Variants in SEMA5A observed in about 807,000 individuals in gnomAD.
SEMA5A encodes semaphorin 5A.
A neutral mutation model predicts 135.5 loss-of-function variants in SEMA5A; 55 were observed. The ratio of observed to expected loss-of-function variants is 0.41; its 90% confidence interval spans 0.33 to 0.51. The LOEUF (loss-of-function observed/expected upper bound fraction) is 0.51, where lower values mean the gene tolerates loss of function less well. SEMA5A is among the 20% of genes least tolerant of loss of function. The pLI, the probability that SEMA5A is intolerant of heterozygous loss-of-function variation, is 0.37. For missense variants in SEMA5A, 1,290 were observed against 1,419.9 expected (o/e 0.91, Z 1.47); for synonymous variants, 580 against 546.5 (o/e 1.06, Z -0.85).
chr5:9,465,148 C>T (rs1307635689), intron 1 of SEMA5A, among the ~76,000 whole-genome samples: 1 of 152,218 alleles, frequency 6.6e-6, no homozygotes, highest in Non-Finnish European at 1.5e-5. Context: ...TCCTGACTTG[C>T]TGAATCAGGA....
intron 8 of SEMA5A, among the ~76,000 whole-genome samples, chr5:9,212,305 T>C (rs1746385175): frequency 6.6e-6 from 1 of 152,254 alleles, no homozygotes; most frequent in Admixed American, 6.5e-5. Flanking sequence ...AAACATTTAT[T>C]ATCCTGCCTT....
intron 13 of SEMA5A, among the ~76,000 whole-genome samples, chr5:9,133,158 T>C (rs919560377): frequency 1.3e-5 from 2 of 152,214 alleles, no homozygotes; most frequent in African/African-American, 4.8e-5. Flanking sequence ...CCTTGTTCCA[T>C]TTCAGTTAAA....
chr5:9,112,482 G>A (rs73045620), intron 15 of SEMA5A, among the ~76,000 whole-genome samples: 18,407 of 152,068 alleles, frequency 0.12, 1,366 homozygotes, highest in African/African-American at 0.21. Context: ...GCCCTCTACT[G>A]GGCCATACTG....
chr5:9,134,873 A>G (rs867500343), intron 13 of SEMA5A, among the ~76,000 whole-genome samples: 21 of 152,340 alleles, frequency 1.4e-4, no homozygotes, highest in African/African-American at 4.8e-4. Context: ...AAAGGTGAGC[A>G]CCCTTGTGTT....
chr5:9,234,149 A>G (rs1162387167), intron 6 of SEMA5A, among the ~76,000 whole-genome samples: 1 of 152,164 alleles, frequency 6.6e-6, no homozygotes, highest in Non-Finnish European at 1.5e-5. Context: ...TATCAGTCAA[A>G]TTGACTGTGA....
intron 5 of SEMA5A, among the ~76,000 whole-genome samples, chr5:9,252,928 C>T (rs1579716609): frequency 6.6e-6 from 1 of 152,288 alleles, no homozygotes; most frequent in African/African-American, 2.4e-5. Context: ...TCCCTGCTTT[C>T]TGACCTGCTC....
At chr5:9,482,494 C>G (rs1049453439) in intron 1 of SEMA5A, among the ~76,000 whole-genome samples, 2 of 152,278 alleles carry the variant, frequency 1.3e-5, no homozygotes, top group East Asian at 3.9e-4. Flanking sequence ...AAAACAGCCC[C>G]TCTCAGGCAT....
chr5:9,200,363 G>A (rs1416267516), intron 9 of SEMA5A, among the ~76,000 whole-genome samples: 1 of 152,118 alleles, frequency 6.6e-6, no homozygotes, highest in African/African-American at 2.4e-5. Context: ...TCTGAAATTG[G>A]TGTTTTGTTT....
chr5:9,315,353 C>CA lies in SEMA5A; in HGVS notation c.270+3018dup, dbSNP rs142902398. Among the ~76,000 whole-genome samples the CA allele has an allele frequency of 4.8e-3, 737 of 152,086 alleles. 2 individuals carry two copies. The highest frequency in any genetic ancestry group is 6.6e-3 in the Non-Finnish European group (450 of 67,972). On this transcript the variant is annotated intron_variant, in intron 5 of 22. Coordinates refer to ENST00000382496, the MANE Select transcript of SEMA5A (RefSeq NM_003966.3). ...CCCTATATCTTTTAGCATGCTTTTC[C>CA]AAAAAACAATGACATTCTCCTATAT...
rs200235161 is a variant in SEMA5A at position 9,054,141 on chromosome 5, T to C, written c.2635A>G (p.Ile879Val). Residue 879 changes from isoleucine to valine, a missense_variant, in exon 19 of 23, where the codon ATC (isoleucine) becomes GTC (valine). Ile to Val is a conservative substitution (Grantham distance 29). Coordinates refer to ENST00000382496, the MANE Select transcript of SEMA5A (RefSeq NM_003966.3). ...TCTTCTGTGTGCAGCCCCAGGCAGA[T>C]GTCCCCTCCATAGGCCGGGGCTGGA... Reference protein sequence around the residue: ...SNPAPAYGGDICLGLHTEEAL... With the variant: ...SNPAPAYGGDVCLGLHTEEAL... The C allele has an allele frequency of 1.2e-6, 2 of 1,613,930 alleles. No individual in the cohort carries two copies. Among genetic ancestry groups the C allele is most frequent in the African/African-American group, 1.3e-5 (1 of 75,010 alleles).
At position 9,458,262 on chromosome 5, in the gene SEMA5A, GT is replaced by G. The variant is rs147777938; in HGVS notation, c.-174-20411del. 9.4e-3 allele frequency among the ~76,000 whole-genome samples: 1,431 copies of G among 152,250 alleles called. 9 individuals are homozygous for G. The highest frequency in any genetic ancestry group is 0.021 in the South Asian group (103 of 4,820). On this transcript the variant is annotated intron_variant, in intron 1 of 22. Transcript: ENST00000382496. ...CAAAGCCATTATGTATCACAATTGT[GT>G]AAAGGCACAAAGAGCTAATGACAAA...
intron 2 of SEMA5A, among the ~76,000 whole-genome samples, chr5:9,437,004 G>A (rs1315822150): frequency 6.6e-6 from 1 of 152,212 alleles, no homozygotes; most frequent in Non-Finnish European, 1.5e-5. Flanking sequence ...GGAGGAAATT[G>A]TGTGGAGGCC....
At chr5:9,316,896 TA>T (rs2150664406) in intron 5 of SEMA5A, among the ~76,000 whole-genome samples, 1 of 152,308 alleles carries the variant, frequency 6.6e-6, no homozygotes, top group Admixed American at 6.5e-5. Flanking sequence ...TGGATCTCTT[TA>T]ACTTATTCCT....
At chr5:9,380,321 C>A (rs760589074) in intron 2 of SEMA5A, 12 of 176,708 alleles carry the variant, frequency 6.8e-5, no homozygotes, top group Admixed American at 1.1e-4. Flanking sequence ...GTCACACTCA[C>A]TCCTAAGGAA....
chr5:9,221,571 G>T (rs1218024997), intron 8 of SEMA5A, among the ~76,000 whole-genome samples: 3 of 152,002 alleles, frequency 2.0e-5, no homozygotes, highest in Non-Finnish European at 4.4e-5. Flanking sequence ...CAAAGTGCTG[G>T]GATTACAGGC....
chr5:9,400,501 A>AT (rs1215358817), intron 2 of SEMA5A, among the ~76,000 whole-genome samples: 1,148 of 86,976 alleles, frequency 0.013, 129 homozygotes, highest in African/African-American at 0.033. Flanking sequence ...CACAATGTAC[A>AT]TTTTTTTTTT....
intron 18 of SEMA5A, among the ~76,000 whole-genome samples, chr5:9,061,243 G>A (rs1435719348): frequency 1.3e-5 from 2 of 152,062 alleles, no homozygotes. Flanking sequence ...TGTATACCCT[G>A]TAAACAGTGC....
Position 9,035,986 on chromosome 5 carries a change from A to G in SEMA5A, c.*6911T>C, listed in dbSNP as rs1293838564. The G allele has an allele frequency of 6.7e-6, 1 of 148,606 alleles. No individual in the cohort carries two copies. Among genetic ancestry groups the G allele is most frequent in the African/African-American group, 2.5e-5 (1 of 40,334 alleles). 9.2% of individuals were successfully genotyped at this position (148,606 alleles called of 1,614,324 possible). Reference sequence around the variant, plus strand: ...AAAAAAAAAAAAAAAAAAAATCTCAAGTTTATTTTGTGTTCACAAAACAGC... The same window carrying G: ...AAAAAAAAAAAAAAAAAAAATCTCAGGTTTATTTTGTGTTCACAAAACAGC... On this transcript the variant is annotated 3_prime_UTR_variant, in exon 23 of 23. Transcript: ENST00000382496.
At chr5:9,110,716 T>C (rs1740192986) in intron 15 of SEMA5A, among the ~76,000 whole-genome samples, 1 of 152,198 alleles carries the variant, frequency 6.6e-6, no homozygotes, top group South Asian at 2.1e-4. Flanking sequence ...GTTTAGTTTG[T>C]CTAAACTTAC....
Sources: gnomAD v4.1 joint callset for allele counts (sites outside exome capture counted in the v4.1 genomes callset) on GRCh38, gnomAD v4.1.1 for gene constraint, MANE v1.5 for transcripts, NCBI Gene and HGNC (gene_info 2026-07-23, HGNC 2026-07-21) for gene names.